PRKAR1B: variants seen among roughly 807,000 people sequenced by gnomAD.
PRKAR1B encodes cAMP-dependent protein kinase type I-beta regulatory subunit.
Under a neutral mutation model 46.5 loss-of-function variants are expected in PRKAR1B, and 22 were observed. The ratio of observed to expected loss-of-function variants is 0.47; its 90% confidence interval spans 0.34 to 0.68. The LOEUF is 0.68. PRKAR1B is among the 30% of genes least tolerant of loss of function. The probability of loss-of-function intolerance (pLI) is 0.01; values close to 1 mark genes in which losing one functional copy is unlikely to be tolerated. For missense variants in PRKAR1B, 445 were observed against 535.6 expected, an observed-to-expected ratio of 0.83 and a Z score of 1.67; for synonymous variants, 259 against 217.7, an observed-to-expected ratio of 1.19 and a Z score of -1.67.
intron 4 of PRKAR1B, among the ~76,000 whole-genome samples, chr7:640,681 T>C (rs1445645452): frequency 6.6e-6 from 1 of 151,656 alleles, no homozygotes; most frequent in Non-Finnish European, 1.5e-5. Flanking sequence ...GGGAATCACC[T>C]GAACCCAGAA....
intron 3 of PRKAR1B, among the ~76,000 whole-genome samples, chr7:679,561 C>A (rs150130438): frequency 6.6e-6 from 1 of 152,112 alleles, no homozygotes; most frequent in East Asian, 1.9e-4. Context: ...TTAAGTACTG[C>A]GGAAAGGAAT....
At chr7:708,913 C>T (rs1780469187) in intron 2 of PRKAR1B, among the ~76,000 whole-genome samples, 1 of 151,608 alleles carries the variant, frequency 6.6e-6, no homozygotes, top group Non-Finnish European at 1.5e-5. Context: ...CTGCCTCAGC[C>T]TCCTGAGTAG....
At chr7:554,331 T>C (rs1778271330) in intron 9 of PRKAR1B, among the ~76,000 whole-genome samples, 1 of 152,280 alleles carries the variant, frequency 6.6e-6, no homozygotes. Context: ...GTTATTTGTC[T>C]GGACAGCCCA....
At chr7:624,349 C>T (rs1309846919) in intron 4 of PRKAR1B, among the ~76,000 whole-genome samples, 1 of 152,086 alleles carries the variant, frequency 6.6e-6, no homozygotes, top group African/African-American at 2.4e-5. Context: ...AGGAGAATCG[C>T]TTGAATCCAG....
chr7:621,671 G>A (rs1365472415), intron 4 of PRKAR1B, among the ~76,000 whole-genome samples: 8 of 152,348 alleles, frequency 5.3e-5, no homozygotes, highest in Admixed American at 5.2e-4. Context: ...AGCAGGTGGG[G>A]TCATCCCCAT....
intron 4 of PRKAR1B, among the ~76,000 whole-genome samples, chr7:651,030 T>G (rs1457142085): frequency 1.3e-5 from 2 of 152,162 alleles, no homozygotes; most frequent in Non-Finnish European, 2.9e-5. Context: ...TCCAAGCCAT[T>G]CAAGCCCTGC....
Position 665,526 on chromosome 7 carries a change from G to A in PRKAR1B, c.440+11703C>T, listed in dbSNP as rs184994610. On this transcript the variant is annotated intron_variant, in intron 4 of 10. Coordinates refer to ENST00000537384, the MANE Select transcript of PRKAR1B (RefSeq NM_001164760.2). ...TTGAATTCAGCTTCTAAAGCCTCCC[G>A]GGCTCACGTGGCCCCTGATTTGCTA... Among the ~76,000 whole-genome samples, 682 of 152,298 alleles carry A rather than the reference G, an allele frequency of 4.5e-3. 4 individuals are homozygous for A. Among genetic ancestry groups the A allele is most frequent in the South Asian group, 0.019 (93 of 4,818 alleles).
rs145475258 is a variant in PRKAR1B, at chr7:617,412, C to T, written c.441-9960G>A. Among the ~76,000 whole-genome samples the T allele has an allele frequency of 5.0e-3, 767 of 151,928 alleles. 12 individuals are homozygous for T. Among genetic ancestry groups the T allele is most frequent in the African/African-American group, 0.018 (727 of 41,422 alleles). ...CTTGACCTTCTGAGCTCAAGCGATC[C>T]TCCTGCCTTAGCCTCCCAAGCAGAT... is the stretch of plus-strand genomic sequence containing the variant. On this transcript the variant is annotated intron_variant, in intron 4 of 10. Transcript: ENST00000537384.
intron 9 of PRKAR1B, among the ~76,000 whole-genome samples, chr7:567,795 A>T (rs1036592349): frequency 6.6e-6 from 1 of 152,140 alleles, no homozygotes; most frequent in Non-Finnish European, 1.5e-5. Context: ...ATCCTGTCAG[A>T]TCTCCCTTAT....
intron 4 of PRKAR1B, among the ~76,000 whole-genome samples, chr7:655,733 ATGAG>A (rs1195801547): frequency 6.6e-6 from 1 of 152,200 alleles, no homozygotes; most frequent in Non-Finnish European, 1.5e-5. Flanking sequence ...TGTTGAATGA[ATGAG>A]TGAGTGTAGC....
chr7:673,065 A>AAAAAAC (rs1786364143), intron 4 of PRKAR1B, among the ~76,000 whole-genome samples: 1 of 142,378 alleles, frequency 7.0e-6, no homozygotes, highest in South Asian at 2.3e-4. Context: ...AAAAAAAAAA[A>AAAAAAC]AAAAAAAAAA....
At chr7:610,818 G>A (rs1023649032) in intron 4 of PRKAR1B, among the ~76,000 whole-genome samples, 2 of 152,248 alleles carry the variant, frequency 1.3e-5, no homozygotes, top group African/African-American at 4.8e-5. Flanking sequence ...CACTCTGGAA[G>A]GTTACGTGAA....
chr7:658,228 G>A (rs1189348975), intron 4 of PRKAR1B, among the ~76,000 whole-genome samples: 1 of 152,048 alleles, frequency 6.6e-6, no homozygotes. Context: ...GAGGACAGGA[G>A]TTCAAGACCA....
intron 2 of PRKAR1B, among the ~76,000 whole-genome samples, chr7:688,810 C>A (rs1037035823): frequency 6.6e-6 from 1 of 152,220 alleles, no homozygotes; most frequent in Non-Finnish European, 1.5e-5. Context: ...TATTTTGCGT[C>A]TTAACCATGG....
At chr7:597,548 G>A (rs1341606022) in intron 6 of PRKAR1B, among the ~76,000 whole-genome samples, 2 of 152,254 alleles carry the variant, frequency 1.3e-5, no homozygotes, top group Non-Finnish European at 2.9e-5. Context: ...GGAATCAGAA[G>A]ACGGCCGTCC....
At chr7:674,419 T>A (rs1298970530) in intron 4 of PRKAR1B, among the ~76,000 whole-genome samples, 2 of 148,878 alleles carry the variant, frequency 1.3e-5, no homozygotes, top group Non-Finnish European at 3.0e-5. Flanking sequence ...CATGTATACC[T>A]AGCTACTCTA....
intron 1 of PRKAR1B, among the ~76,000 whole-genome samples, chr7:717,825 C>T (rs1038954486): frequency 6.6e-6 from 1 of 152,156 alleles, no homozygotes; most frequent in African/African-American, 2.4e-5. Context: ...GCCACAGGGT[C>T]CCCACCTCCC....
chr7:579,124 C>G, intron 9 of PRKAR1B, 132 bp downstream of exon 9: 1 of 1,557,994 alleles, frequency 6.4e-7, no homozygotes, highest in Non-Finnish European at 8.7e-7. Context: ...ATGGAGGCCC[C>G]GGACGGGCGT....
intron 9 of PRKAR1B, among the ~76,000 whole-genome samples, chr7:568,333 G>T (rs961689477): frequency 1.3e-5 from 2 of 152,184 alleles, no homozygotes; most frequent in Admixed American, 6.5e-5. Flanking sequence ...AAGTTCCTCC[G>T]GCAGCTGACT....
Sources: allele counts gnomAD v4.1 joint callset (sites outside exome capture counted in the v4.1 genomes callset), GRCh38; gene constraint gnomAD v4.1.1; transcripts MANE v1.5; gene names NCBI Gene and HGNC (gene_info 2026-07-23, HGNC 2026-07-21).